Variants in MAGI1 observed in about 807,000 individuals in gnomAD.
MAGI1 encodes the protein membrane-associated guanylate kinase, WW and PDZ domain-containing protein 1.
Under a neutral mutation model 139.9 loss-of-function variants are expected in MAGI1, and 58 were observed. That is an observed-to-expected ratio of 0.41 (90% confidence interval 0.34 to 0.52). The LOEUF is 0.52. Among genes scored for constraint, MAGI1 ranks in the 20% least tolerant of loss-of-function variants. The probability of loss-of-function intolerance (pLI) is 0.12; values close to 1 mark genes in which losing one functional copy is unlikely to be tolerated. For synonymous variants in MAGI1, 812 were observed against 737.9 expected (o/e 1.10, Z -1.63); for missense variants, 1,874 against 1,901.6 (o/e 0.99, Z 0.27).
intron 1 of MAGI1, among the ~76,000 whole-genome samples, chr3:65,822,540 A>T (rs2108259717): frequency 6.6e-6 from 1 of 152,258 alleles, no homozygotes; most frequent in Non-Finnish European, 1.5e-5. Flanking sequence ...AAAAGTAAAA[A>T]ATAAATAATA....
At chr3:65,491,116 T>G (rs1426912999) in intron 3 of MAGI1, among the ~76,000 whole-genome samples, 1 of 152,184 alleles carries the variant, frequency 6.6e-6, no homozygotes, top group Non-Finnish European at 1.5e-5. Flanking sequence ...ATGGGTTATT[T>G]TCCTTAGCTT....
At position 66,035,070 on chromosome 3, in the gene MAGI1, A is replaced by C. The variant is rs148555985; in HGVS notation, c.313+2926T>G. On this transcript the variant is annotated intron_variant, in intron 1 of 22. Coordinates refer to ENST00000402939, the MANE Select transcript of MAGI1 (RefSeq NM_001033057.2). Reference sequence around the variant, plus strand: ...AGGTAAATGATACCTGAATACACATAATTATATATAACTTTGTAAAGGCAT... The same window carrying C: ...AGGTAAATGATACCTGAATACACATCATTATATATAACTTTGTAAAGGCAT... Among the ~76,000 whole-genome samples, 717 of 152,304 alleles carry C rather than the reference A, an allele frequency of 4.7e-3. 3 individuals are homozygous for C. Among genetic ancestry groups the C allele is most frequent in the African/African-American group, 0.015 (619 of 41,562 alleles).
intron 1 of MAGI1, among the ~76,000 whole-genome samples, chr3:65,853,365 A>C (rs1182977037): frequency 6.6e-6 from 1 of 152,234 alleles, no homozygotes; most frequent in Non-Finnish European, 1.5e-5. Flanking sequence ...GTACATGTTT[A>C]ATGCATTGAT....
At chr3:65,822,536 A>G (rs141340644) in intron 1 of MAGI1, among the ~76,000 whole-genome samples, 64 of 152,302 alleles carry the variant, frequency 4.2e-4, no homozygotes, top group African/African-American at 1.5e-3. Context: ...TCAAAAAAGT[A>G]AAAAATAAAT....
In MAGI1 at chr3:65,356,602, C is replaced by T. The variant is rs779242047; in HGVS notation, c.4165G>A (p.Gly1389Arg). ...EQRRSPERRR[G>R]GSPERRAKST... The stretch of plus-strand genomic sequence containing the variant: ...TTGGCCCTGCGCTCGGGCGAGCCCC[C>T]TCTCCTGCGCTCGGGGGACCTCCTC... Residue 1389 changes from glycine (G) to arginine (R), a missense_variant, in exon 23 of 23, where the codon GGG (glycine) becomes AGG (arginine). Physicochemically the swap from Gly to Arg is moderately radical, Grantham distance 125. Transcript: ENST00000402939. 2 of 1,592,126 alleles carry T rather than the reference C, an allele frequency of 1.3e-6. No individual in the cohort carries two copies. Among genetic ancestry groups the T allele is most frequent in the East Asian group, 2.2e-5 (1 of 44,758 alleles).
chr3:65,546,652 T>C (rs1439120497), intron 2 of MAGI1, among the ~76,000 whole-genome samples: 1 of 152,232 alleles, frequency 6.6e-6, no homozygotes, highest in African/African-American at 2.4e-5. Flanking sequence ...AGTTGATTAT[T>C]TGCAACAGTT....
intron 8 of MAGI1, among the ~76,000 whole-genome samples, chr3:65,442,456 A>G (rs920200725): frequency 6.6e-6 from 1 of 150,918 alleles, no homozygotes; most frequent in Non-Finnish European, 1.5e-5. Context: ...ATCCCTCTTC[A>G]TCTGGTCTAC....
At chr3:65,824,350 T>C (rs2042111787) in intron 1 of MAGI1, among the ~76,000 whole-genome samples, 1 of 152,110 alleles carries the variant, frequency 6.6e-6, no homozygotes, top group Admixed American at 6.6e-5. Flanking sequence ...GCTTTCCAAT[T>C]CCTAGGTGGC....
Position 65,493,567 on chromosome 3 carries a change from C to T in MAGI1, c.495G>A (p.Lys165=), listed in dbSNP as rs750757958. ...CACTCTGCTCGAGGTCCAAGAACTC[C>T]TTCACAGTCAGAAAGTTATAGTCCA... ...PGVDYNFLTV[K]EFLDLEQSGT... Residue 165 remains lysine, a synonymous_variant, in exon 3 of 23, where the codon AAG becomes AAA. Coordinates refer to ENST00000402939, the MANE Select transcript of MAGI1 (RefSeq NM_001033057.2). The T allele has an allele frequency of 4.3e-6, 7 of 1,614,056 alleles. No individual in the cohort carries two copies. The Admixed American group carries it at 5.0e-5, about 12-fold the overall frequency.
chr3:65,520,040 A>T (rs1372734196), intron 2 of MAGI1, among the ~76,000 whole-genome samples: 2 of 152,176 alleles, frequency 1.3e-5, no homozygotes, highest in Non-Finnish European at 2.9e-5. Context: ...AGAAAAAAGG[A>T]GGCTCCCAGC....
intron 1 of MAGI1, among the ~76,000 whole-genome samples, chr3:65,878,773 C>A (rs1448232712): frequency 1.3e-5 from 2 of 152,128 alleles, no homozygotes; most frequent in Admixed American, 6.5e-5. Flanking sequence ...AGCCCAGGGC[C>A]CTGCTCCTGA....
chr3:65,974,044 T>C (rs988437182), intron 1 of MAGI1, among the ~76,000 whole-genome samples: 1 of 152,118 alleles, frequency 6.6e-6, no homozygotes. Flanking sequence ...TTTTCAGAAT[T>C]AGCATGAAGA....
intron 1 of MAGI1, among the ~76,000 whole-genome samples, chr3:65,986,870 A>ATT (rs57745762): frequency 0.014 from 1,863 of 137,430 alleles, 19 homozygotes; most frequent in Middle Eastern, 0.026. Context: ...TAAGGAAGGG[A>ATT]TTTTTTTTTT....
At chr3:65,459,581 T>G (rs999938547) in intron 5 of MAGI1, among the ~76,000 whole-genome samples, 15 of 152,202 alleles carry the variant, frequency 9.9e-5, no homozygotes, top group Non-Finnish European at 1.2e-4. Flanking sequence ...TATTTCTTCC[T>G]TTTCAATCTG....
intron 1 of MAGI1, among the ~76,000 whole-genome samples, chr3:65,833,269 C>T (rs557125739): frequency 6.6e-6 from 1 of 152,178 alleles, no homozygotes; most frequent in African/African-American, 2.4e-5. Flanking sequence ...CAGGCGTGCA[C>T]CACTACGCTC....
chr3:65,636,277 T>A (rs777871087), intron 1 of MAGI1, among the ~76,000 whole-genome samples: 1 of 152,174 alleles, frequency 6.6e-6, no homozygotes, highest in Non-Finnish European at 1.5e-5. Context: ...CAGCTCTCAT[T>A]TTTCAAGAAT....
chr3:65,769,642 G>A (rs79650565), intron 1 of MAGI1, among the ~76,000 whole-genome samples: 8,785 of 152,264 alleles, frequency 0.058, 288 homozygotes, highest in Middle Eastern at 0.071. Context: ...CCATAGCCGG[G>A]AAGATACTTT....
At chr3:65,955,664 A>G (rs1012263790) in intron 1 of MAGI1, among the ~76,000 whole-genome samples, 15 of 147,780 alleles carry the variant, frequency 1.0e-4, no homozygotes, top group Middle Eastern at 3.5e-3. Context: ...TTTCCCTTGG[A>G]AAAAAAAAAT....
At chr3:65,637,181 T>C (rs2084675545) in intron 1 of MAGI1, among the ~76,000 whole-genome samples, 2 of 152,184 alleles carry the variant, frequency 1.3e-5, no homozygotes, top group Admixed American at 6.5e-5. Context: ...TGGGAACAGT[T>C]ATACTTAAGT....
Sources: gnomAD v4.1 joint callset for allele counts (sites outside exome capture counted in the v4.1 genomes callset) on GRCh38, gnomAD v4.1.1 for gene constraint, MANE v1.5 for transcripts, NCBI Gene and HGNC (gene_info 2026-07-23, HGNC 2026-07-21) for gene names.